The following ZNF678 variants were observed in gnomAD, a reference collection of about 807,000 sequenced individuals.
ZNF678 encodes hypothetical protein MGC42493.
A neutral mutation model predicts 3.0 loss-of-function variants in ZNF678; 5 were observed. The ratio of observed to expected loss-of-function variants is 1.69; its 90% CI spans 0.88 to 3.56. The LOEUF (loss-of-function observed/expected upper bound fraction) is 3.56, where lower values mean the gene tolerates loss of function less well. Ranked by LOEUF, ZNF678 falls within the 30% of genes most tolerant of loss-of-function variation. The pLI is 0.00. For synonymous variants in ZNF678, 218 were observed against 199.6 expected (o/e 1.09, Z -0.78); for missense variants, 593 against 605.0 (o/e 0.98, Z 0.21).
rs1216933193 is a variant in ZNF678, at chr1:227,659,396, G to C, written c.*3568G>C. On this transcript the variant is annotated 3_prime_UTR_variant, in exon 4 of 4. Coordinates refer to ENST00000343776, the MANE Select transcript of ZNF678 (RefSeq NM_001367909.1). The stretch of plus-strand genomic sequence containing the variant: ...TTGAAATATTTCCTTGGTGATTTTG[G>C]ATGCAAACCTGATTTCTGTGTTCAC... 1 of 152,052 alleles carries C rather than the reference G, an allele frequency of 6.6e-6. No homozygotes were observed. Among genetic ancestry groups the C allele is most frequent in the Admixed American group, 6.6e-5 (1 of 15,258 alleles). 9.4% of individuals were successfully genotyped at this position (152,052 alleles called of 1,614,324 possible).
At position 227,657,665 on chromosome 1, in the gene ZNF678, TTA is replaced by T. The variant is rs1280360357; in HGVS notation, c.*1840_*1841del. 1 of 152,016 alleles carries T rather than the reference TTA, an allele frequency of 6.6e-6. No individual in the cohort carries two copies. Among genetic ancestry groups the T allele is most frequent in the Non-Finnish European group, 1.5e-5 (1 of 67,930 alleles). The allele number at this position is 152,016 out of a possible 1,614,324, so 9.4% of individuals were successfully genotyped here. ...AGTTTTGATTAACATGGAGTTAATT[TTA>T]TAAGTCTGTCACTCTAAACATAAGT... On this transcript the variant is annotated 3_prime_UTR_variant, in exon 4 of 4. Transcript: ENST00000343776.
intron 1 of ZNF678, among the ~76,000 whole-genome samples, chr1:227,619,033 A>G (rs1046769179): frequency 3.9e-5 from 6 of 152,124 alleles, no homozygotes; most frequent in African/African-American, 1.2e-4. Flanking sequence ...CTTTAAAACA[A>G]TCAGATCTCA....
In ZNF678 at chr1:227,662,460, C is replaced by G. The variant is rs1426082166; in HGVS notation, c.*6632C>G. The stretch of plus-strand genomic sequence containing the variant: ...TTACAATAAACCTTTTGACCTAACG[C>G]ACATACTTGTTTTCTTTAACATTAA... On this transcript the variant is annotated 3_prime_UTR_variant, in exon 4 of 4. Transcript: ENST00000343776. The G allele has an allele frequency of 6.6e-6, 1 of 152,162 alleles. No individual in the cohort carries two copies. The highest frequency in any genetic ancestry group is 1.5e-5 in the Non-Finnish European group (1 of 68,024). The allele number at this position is 152,162 out of a possible 1,614,324, so 9.4% of individuals were successfully genotyped here. A position where few individuals can be genotyped will look rare whatever the true frequency, so the allele number is the denominator to read the frequency against.
At chr1:227,645,567 C>T (rs556138463) in intron 1 of ZNF678, among the ~76,000 whole-genome samples, 4 of 152,248 alleles carry the variant, frequency 2.6e-5, no homozygotes, top group South Asian at 2.1e-4. Context: ...AAATTTTGAC[C>T]TGCAAAATGA....
intron 1 of ZNF678, among the ~76,000 whole-genome samples, chr1:227,627,473 C>G (rs1176609097): frequency 6.6e-6 from 1 of 152,012 alleles, no homozygotes; most frequent in Non-Finnish European, 1.5e-5. Flanking sequence ...TTGGCAGTTC[C>G]CTTCTATTTC....
chr1:227,626,007 A>G (rs1658403802), intron 1 of ZNF678, among the ~76,000 whole-genome samples: 1 of 152,168 alleles, frequency 6.6e-6, no homozygotes, highest in African/African-American at 2.4e-5. Flanking sequence ...AAAAACTCCT[A>G]TACGATGGGG....
In ZNF678 at chr1:227,646,542, A is replaced by G. The variant is rs1446487598; in HGVS notation, c.-163-2A>G. 62 of 1,366,320 alleles carry G rather than the reference A, an allele frequency of 4.5e-5. No homozygotes were observed. Among genetic ancestry groups the G allele is most frequent in the Non-Finnish European group, 6.1e-5 (62 of 1,022,310 alleles). The allele number at this position is 1,366,320 out of a possible 1,614,324, so 84.6% of individuals were successfully genotyped here. On this transcript the variant is annotated splice_acceptor_variant, in intron 1 of 3. Coordinates refer to ENST00000343776, the MANE Select transcript of ZNF678 (RefSeq NM_001367909.1). LOFTEE classifies it low-confidence loss of function (5UTR_SPLICE). ...ATACGTGTGTATTTTTCCCCCCCCC[A>G]GGGACTACTGGCATTCAGTGATGTG...
At chr1:227,651,601 G>C (rs1341003144) in intron 3 of ZNF678, among the ~76,000 whole-genome samples, 1 of 152,054 alleles carries the variant, frequency 6.6e-6, no homozygotes, top group East Asian at 1.9e-4. Context: ...ATGTTAAATG[G>C]GCCATTTCCT....
At chr1:227,583,351 T>C (rs201198954) in intron 1 of ZNF678, among the ~76,000 whole-genome samples, 48 of 149,882 alleles carry the variant, frequency 3.2e-4, no homozygotes, top group East Asian at 2.0e-3. Flanking sequence ...TTTTCTTTTT[T>C]CTTTTTTTTT....
At chr1:227,570,232 CA>C (rs1656802724) in intron 1 of ZNF678, among the ~76,000 whole-genome samples, 1 of 152,226 alleles carries the variant, frequency 6.6e-6, no homozygotes, top group Non-Finnish European at 1.5e-5. Context: ...AGGTTATCTA[CA>C]AACAGTGACT....
At chr1:227,578,892 G>A (rs980068501) in intron 1 of ZNF678, among the ~76,000 whole-genome samples, 1 of 152,134 alleles carries the variant, frequency 6.6e-6, no homozygotes, top group African/African-American at 2.4e-5. Context: ...CAATCTTTGA[G>A]GTAGCTGGCC....
At chr1:227,605,764 A>G (rs532083640) in intron 1 of ZNF678, among the ~76,000 whole-genome samples, 4 of 152,230 alleles carry the variant, frequency 2.6e-5, no homozygotes, top group Non-Finnish European at 4.4e-5. Flanking sequence ...GTCAAGCTCA[A>G]TATACTCAAT....
Position 227,583,818 on chromosome 1 carries a change from T to C in ZNF678, c.-164+20094T>C, listed in dbSNP as rs577407789. Among the ~76,000 whole-genome samples, 3 of 152,248 alleles carry C rather than the reference T, an allele frequency of 2.0e-5. No homozygotes were observed. The South Asian group carries it at 6.2e-4, about 32-fold the overall frequency. On this transcript the variant is annotated intron_variant, in intron 1 of 3. Coordinates refer to ENST00000343776, the MANE Select transcript of ZNF678 (RefSeq NM_001367909.1). ...GAGTCTTGGTGTCCAAAGTATTTTG[T>C]TGGGATTCAATTGCATAGGCATGCA... is the stretch of plus-strand genomic sequence containing the variant.
intron 1 of ZNF678, among the ~76,000 whole-genome samples, chr1:227,639,383 T>A (rs900940017): frequency 2.6e-5 from 4 of 152,216 alleles, no homozygotes; most frequent in African/African-American, 9.6e-5. Context: ...TTAAAGACTT[T>A]GAAGGGTAAA....
At chr1:227,585,687 C>T (rs555525974) in intron 1 of ZNF678, among the ~76,000 whole-genome samples, 15 of 151,722 alleles carry the variant, frequency 9.9e-5, no homozygotes, top group East Asian at 7.8e-4. Flanking sequence ...GCAAGAGAAT[C>T]GCTTGAACCT....
chr1:227,588,956 C>A (rs1657337062), intron 1 of ZNF678, among the ~76,000 whole-genome samples: 1 of 149,890 alleles, frequency 6.7e-6, no homozygotes, highest in African/African-American at 2.5e-5. Flanking sequence ...TGAGAAGTGT[C>A]TGTTCATGTC....
chr1:227,595,965 A>T (rs1371126890), intron 1 of ZNF678, among the ~76,000 whole-genome samples: 2 of 152,164 alleles, frequency 1.3e-5, no homozygotes, highest in East Asian at 3.8e-4. Flanking sequence ...CCATGCTTCC[A>T]CTCAAATGGA....
intron 1 of ZNF678, among the ~76,000 whole-genome samples, chr1:227,628,673 G>A (rs1658476403): frequency 1.3e-5 from 2 of 152,254 alleles, no homozygotes; most frequent in Non-Finnish European, 2.9e-5. Flanking sequence ...TGGAAACCTT[G>A]TAGCCACAGG....
chr1:227,669,484 T>C (rs912900046), intron 5 of ZNF678, among the ~76,000 whole-genome samples: 2 of 150,972 alleles, frequency 1.3e-5, no homozygotes, highest in Non-Finnish European at 3.0e-5. Flanking sequence ...AAAATATATA[T>C]ATATCTAAAA....
Sources: gnomAD v4.1 joint callset for allele counts (sites outside exome capture counted in the v4.1 genomes callset) on GRCh38, gnomAD v4.1.1 for gene constraint, MANE v1.5 for transcripts, NCBI Gene and HGNC (gene_info 2026-07-23, HGNC 2026-07-21) for gene names.